The following OTOP1 variants were observed in gnomAD, a reference collection of about 807,000 sequenced individuals.
The protein encoded by OTOP1 is proton channel OTOP1.
In OTOP1, 59 loss-of-function variants were observed where a neutral mutation model predicts 52.9. The observed-to-expected ratio is 1.12, with a 90% CI of 0.91 to 1.39. OTOP1 has a LOEUF of 1.39. Ranked by LOEUF, OTOP1 falls within the 40% of genes most tolerant of loss-of-function variation. The probability of loss-of-function intolerance (pLI) is 0.00; values close to 1 mark genes in which losing one functional copy is unlikely to be tolerated. For synonymous variants in OTOP1, 317 were observed against 337.7 expected (o/e 0.94, Z 0.67); for missense variants, 761 against 800.9 (o/e 0.95, Z 0.60).
At chr4:4,198,373 A>T (rs7662109) in intron 4 of OTOP1, among the ~76,000 whole-genome samples, 25,925 of 151,954 alleles carry the variant, frequency 0.17, 4,278 homozygotes, top group African/African-American at 0.42. Context: ...TGTAAAAAAT[A>T]GATATGTAGA....
chr4:4,219,679 A>C (rs908723491), intron 1 of OTOP1, among the ~76,000 whole-genome samples: 3 of 144,706 alleles, frequency 2.1e-5, no homozygotes, highest in Non-Finnish European at 4.7e-5. Context: ...CCTGGGCGAC[A>C]GAGCGAGACT....
intron 1 of OTOP1, among the ~76,000 whole-genome samples, chr4:4,225,833 G>C (rs1717418088): frequency 6.6e-6 from 1 of 152,126 alleles, no homozygotes; most frequent in Non-Finnish European, 1.5e-5. Context: ...AAGAACACTG[G>C]AGCCCAGTGC....
intron 1 of OTOP1, among the ~76,000 whole-genome samples, chr4:4,223,086 G>GAATTACATT (rs1379867006): frequency 6.6e-6 from 1 of 152,168 alleles, no homozygotes; most frequent in African/African-American, 2.4e-5. Flanking sequence ...CACCTCATTT[G>GAATTACATT]AATTACATTA....
intron 4 of OTOP1, among the ~76,000 whole-genome samples, chr4:4,200,979 T>C (rs1716771832): frequency 6.6e-6 from 1 of 151,972 alleles, no homozygotes; most frequent in Non-Finnish European, 1.5e-5. Flanking sequence ...GCTGACAGAG[T>C]CCTTTTTTAG....
At position 4,197,300 on chromosome 4, in the gene OTOP1, CCTT is replaced by C; in HGVS notation, c.1531_1533del (p.Lys511del). On this transcript the variant is annotated inframe_deletion, in exon 5 of 6. Coordinates refer to ENST00000296358, the MANE Select transcript of OTOP1 (RefSeq NM_177998.3). ...CTGCTCTCCTCCTGCTTCTCCTCCT[CCTT>C]GTCATGGCTTTCTCTCATGCACACA... is the stretch of plus-strand genomic sequence containing the variant. 7 of 1,614,176 alleles carry C rather than the reference CCTT, an allele frequency of 4.3e-6. No individual in the cohort carries two copies. Among genetic ancestry groups the C allele is most frequent in the Non-Finnish European group, 5.9e-6 (7 of 1,180,036 alleles).
chr4:4,215,397 C>T (rs1446259504), intron 1 of OTOP1, among the ~76,000 whole-genome samples: 1 of 152,264 alleles, frequency 6.6e-6, no homozygotes, highest in South Asian at 2.1e-4. Context: ...TGCAGTGGCT[C>T]ACACCTGTAA....
chr4:4,213,918 G>A (rs565518338), intron 1 of OTOP1, among the ~76,000 whole-genome samples: 1 of 152,064 alleles, frequency 6.6e-6, no homozygotes, highest in Admixed American at 6.6e-5. Flanking sequence ...GGTGAAACCC[G>A]TCTCTACTAA....
chr4:4,210,125 C>T (rs561119552), intron 2 of OTOP1, among the ~76,000 whole-genome samples: 1 of 152,296 alleles, frequency 6.6e-6, no homozygotes, highest in Admixed American at 6.5e-5. Context: ...TGGTGTGTGC[C>T]ATAGATTTTG....
intron 1 of OTOP1, among the ~76,000 whole-genome samples, chr4:4,219,101 G>A (rs1223995745): frequency 6.6e-6 from 1 of 151,850 alleles, no homozygotes; most frequent in African/African-American, 2.4e-5. Flanking sequence ...CATAAACATC[G>A]TAAAGAAAAA....
chr4:4,203,468 T>C (rs929181246), intron 3 of OTOP1, among the ~76,000 whole-genome samples: 5 of 152,042 alleles, frequency 3.3e-5, no homozygotes, highest in African/African-American at 1.2e-4. Flanking sequence ...GGAGCAGAGG[T>C]CTTCCAGTCT....
At chr4:4,206,574 A>C (rs1716910959) in intron 2 of OTOP1, among the ~76,000 whole-genome samples, 1 of 152,190 alleles carries the variant, frequency 6.6e-6, no homozygotes, top group African/African-American at 2.4e-5. Flanking sequence ...AATGAAATTG[A>C]TTTGGGCTGG....
intron 1 of OTOP1, among the ~76,000 whole-genome samples, chr4:4,216,340 G>A (rs893996399): frequency 6.6e-6 from 1 of 152,312 alleles, no homozygotes; most frequent in Non-Finnish European, 1.5e-5. Context: ...GAAAAAGGCA[G>A]TGATCACGAG....
chr4:4,193,104 A>T (rs1192511177), intron 5 of OTOP1, among the ~76,000 whole-genome samples: 2 of 152,054 alleles, frequency 1.3e-5, no homozygotes, highest in Non-Finnish European at 2.9e-5. Context: ...CTCAGTGTAG[A>T]CCCTTCCATG....
intron 4 of OTOP1, among the ~76,000 whole-genome samples, chr4:4,199,378 C>A (rs3097979): frequency 0.59 from 89,553 of 150,802 alleles, 26,986 homozygotes; most frequent in South Asian, 0.65. Context: ...TTAAGATGTG[C>A]TTTATGGTTT....
At chr4:4,215,769 C>A (rs1207388575) in intron 1 of OTOP1, among the ~76,000 whole-genome samples, 2 of 152,076 alleles carry the variant, frequency 1.3e-5, no homozygotes, top group African/African-American at 2.4e-5. Flanking sequence ...TTCCATAAAT[C>A]TAAAGCTTTT....
intron 4 of OTOP1, among the ~76,000 whole-genome samples, chr4:4,201,469 TATACACACAC>T (rs1198961690): frequency 7.3e-6 from 1 of 137,670 alleles, no homozygotes; most frequent in Non-Finnish European, 1.6e-5. Context: ...AATATATATA[TATACACACAC>T]ACACACACAC....
At chr4:4,211,003 C>T (rs1312177391) in intron 2 of OTOP1, among the ~76,000 whole-genome samples, 1 of 152,136 alleles carries the variant, frequency 6.6e-6, no homozygotes, top group Non-Finnish European at 1.5e-5. Context: ...CAGTCCATAA[C>T]AGCTTTCAAG....
rs763281223 is a variant in OTOP1, at chr4:4,198,012, G to A, written c.822C>T (p.Asn274=). 1.9e-6 allele frequency: 3 copies of A among 1,614,096 alleles called. No homozygotes were observed. Among genetic ancestry groups the A allele is most frequent in the East Asian group, 2.2e-5 (1 of 44,874 alleles). Residue 274 remains asparagine (N), a synonymous_variant, in exon 5 of 6, where the codon AAC becomes AAT. Coordinates refer to ENST00000296358, the MANE Select transcript of OTOP1 (RefSeq NM_177998.3). ...TGGAGGCCAGGATCTGATACTCTATGTTGAAGGGGTAGAGGTAGTAGATCC... is the reference window on the plus strand; with the variant it reads ...TGGAGGCCAGGATCTGATACTCTATATTGAAGGGGTAGAGGTAGTAGATCC... ...SHGIYYLYPF[N]IEYQILASTM...
At position 4,204,691 on chromosome 4, in the gene OTOP1, C is replaced by T. The variant is rs1162541930; in HGVS notation, c.599+1381G>A. Among the ~76,000 whole-genome samples the T allele has an allele frequency of 2.6e-5, 4 of 151,928 alleles. No homozygotes were observed. The East Asian group carries it at 7.8e-4, about 30-fold the overall frequency. ...AAGGCTCTCATGAGCCATTTCTAATCTCAGTGTATGTTTCCTTCATCTGTG... is the reference window on the plus strand; with the variant it reads ...AAGGCTCTCATGAGCCATTTCTAATTTCAGTGTATGTTTCCTTCATCTGTG... On this transcript the variant is annotated intron_variant, in intron 3 of 5. Coordinates refer to ENST00000296358, the MANE Select transcript of OTOP1 (RefSeq NM_177998.3).
Sources: allele counts gnomAD v4.1 joint callset (sites outside exome capture counted in the v4.1 genomes callset), GRCh38; gene constraint gnomAD v4.1.1; transcripts MANE v1.5; gene names NCBI Gene and HGNC (gene_info 2026-07-23, HGNC 2026-07-21).